The following CAPZB variants were observed in gnomAD, a reference collection of about 807,000 sequenced individuals.
The protein encoded by CAPZB is capping actin protein of muscle Z-line subunit beta.
CAPZB carries 2 observed loss-of-function variants against 38.1 expected under a neutral mutation model. That is an observed-to-expected ratio of 0.05 (90% CI 0.02 to 0.17). The LOEUF (loss-of-function observed/expected upper bound fraction) is 0.17, where lower values mean the gene tolerates loss of function less well. Ranked by LOEUF, CAPZB falls within the 10% of genes least tolerant of loss-of-function variation. CAPZB has a pLI of 1.00. For synonymous variants in CAPZB, 107 were observed against 127.4 expected, an observed-to-expected ratio of 0.84 and a Z score of 1.08; for missense variants, 161 against 334.2, an observed-to-expected ratio of 0.48 and a Z score of 4.04.
rs573359080 is a variant in CAPZB, at chr1:19,447,861, A to T, written c.4-28111T>A. Among the ~76,000 whole-genome samples, 4 of 152,354 alleles carry T rather than the reference A, an allele frequency of 2.6e-5. No homozygotes were observed. The East Asian group carries it at 7.7e-4, about 29-fold the overall frequency. On this transcript the variant is annotated intron_variant, in intron 1 of 8. Coordinates refer to ENST00000264202, the MANE Select transcript of CAPZB (RefSeq NM_004930.5). ...ACTGGTACTATCTAAGCAATCGGCA[A>T]CTAACAGTAGTGAAAGCGTAGTTCA...
chr1:19,470,558 C>T (rs1360103018), intron 1 of CAPZB, among the ~76,000 whole-genome samples: 1 of 152,208 alleles, frequency 6.6e-6, no homozygotes, highest in Non-Finnish European at 1.5e-5. Context: ...GCAGAAAAGA[C>T]TCACACAAGA....
intron 6 of CAPZB, among the ~76,000 whole-genome samples, chr1:19,354,633 C>T (rs2094010234): frequency 6.6e-6 from 1 of 152,242 alleles, no homozygotes; most frequent in Admixed American, 6.5e-5. Context: ...CTGGGTTTAG[C>T]TTGGCAGGAG....
intron 2 of CAPZB, among the ~76,000 whole-genome samples, chr1:19,394,182 T>C (rs2094253663): frequency 6.6e-6 from 1 of 152,138 alleles, no homozygotes; most frequent in Non-Finnish European, 1.5e-5. Flanking sequence ...TATATGTTTA[T>C]AGAGATGGGG....
At chr1:19,466,001 A>G (rs12755348) in intron 1 of CAPZB, among the ~76,000 whole-genome samples, 100,806 of 151,996 alleles carry the variant, frequency 0.66, 33,898 homozygotes, top group Middle Eastern at 0.77. Context: ...AGTGAAGCCC[A>G]AGGCTACACA....
chr1:19,409,376 G>C (rs1344519608), intron 2 of CAPZB, among the ~76,000 whole-genome samples: 1 of 151,982 alleles, frequency 6.6e-6, no homozygotes, highest in Non-Finnish European at 1.5e-5. Context: ...CAAGCAGAAG[G>C]AACAGTCATC....
intron 1 of CAPZB, among the ~76,000 whole-genome samples, chr1:19,484,900 G>A (rs2094645451): frequency 6.6e-6 from 1 of 152,196 alleles, no homozygotes; most frequent in East Asian, 1.9e-4. Flanking sequence ...GGAGAAGAGG[G>A]GAAGCAAACC....
intron 1 of CAPZB, chr1:19,484,437 A>G (rs2094643311): frequency 1.3e-6 from 2 of 1,507,452 alleles, no homozygotes; most frequent in Non-Finnish European, 1.8e-6. Flanking sequence ...CCTGCCCTGC[A>G]GAATGCTTCG....
At chr1:19,391,633 G>A (rs369446563) in intron 2 of CAPZB, among the ~76,000 whole-genome samples, 24 of 152,296 alleles carry the variant, frequency 1.6e-4, no homozygotes, top group African/African-American at 5.8e-4. Context: ...TATACAGTGT[G>A]GCATTCTGTA....
chr1:19,352,888 G>A (rs2268806), intron 6 of CAPZB, among the ~76,000 whole-genome samples: 1,997 of 152,354 alleles, frequency 0.013, 54 homozygotes, highest in East Asian at 0.13. Context: ...GGCAGGCCAC[G>A]TGCCCAGGAG....
intron 2 of CAPZB, among the ~76,000 whole-genome samples, chr1:19,408,494 C>CTG (rs35258284): frequency 0.12 from 18,592 of 152,226 alleles, 1,240 homozygotes; most frequent in Admixed American, 0.2. Flanking sequence ...GGGACAAAGA[C>CTG]TGTGGGCTGG....
intron 1 of CAPZB, among the ~76,000 whole-genome samples, chr1:19,441,872 G>A (rs1291222876): frequency 6.6e-6 from 1 of 152,022 alleles, no homozygotes; most frequent in Non-Finnish European, 1.5e-5. Context: ...GCTGGGCGTG[G>A]TGGTGGATGC....
At chr1:19,444,683 A>C (rs967808145) in intron 1 of CAPZB, among the ~76,000 whole-genome samples, 21 of 152,204 alleles carry the variant, frequency 1.4e-4, no homozygotes, top group Non-Finnish European at 2.8e-4. Context: ...AAATTCAGAG[A>C]GGTGATCTAA....
In CAPZB at chr1:19,467,579, G is replaced by A. The variant is rs191917043; in HGVS notation, c.3+17857C>T. On this transcript the variant is annotated intron_variant, in intron 1 of 8. Coordinates refer to ENST00000264202, the MANE Select transcript of CAPZB (RefSeq NM_004930.5). ...GGGAGCAAATGGCCCTTTAACACCCGCCCTGAGACTACTATCAGAATGGCC... is the reference window on the plus strand; with the variant it reads ...GGGAGCAAATGGCCCTTTAACACCCACCCTGAGACTACTATCAGAATGGCC... 1.7e-3 allele frequency among the ~76,000 whole-genome samples: 264 copies of A among 152,262 alleles called. 2 individuals are homozygous for A. Among genetic ancestry groups the A allele is most frequent in the Non-Finnish European group, 3.0e-3 (202 of 68,018 alleles).
intron 1 of CAPZB, among the ~76,000 whole-genome samples, chr1:19,430,721 C>T (rs1478728429): frequency 2.6e-5 from 4 of 152,142 alleles, no homozygotes; most frequent in Admixed American, 6.6e-5. Context: ...CACCCGCACC[C>T]GCACCTGCAC....
intron 1 of CAPZB, among the ~76,000 whole-genome samples, chr1:19,477,735 G>A (rs188587617): frequency 6.6e-6 from 1 of 152,310 alleles, no homozygotes; most frequent in East Asian, 1.9e-4. Flanking sequence ...AGGGTGCAAT[G>A]CAAAAGCATC....
intron 2 of CAPZB, among the ~76,000 whole-genome samples, chr1:19,400,848 A>T (rs1166857155): frequency 6.6e-6 from 1 of 152,200 alleles, no homozygotes; most frequent in Non-Finnish European, 1.5e-5. Context: ...CTAGGTGACA[A>T]GAGCCATCTT....
intron 1 of CAPZB, among the ~76,000 whole-genome samples, chr1:19,478,537 G>T (rs1022789912): frequency 6.6e-6 from 1 of 152,180 alleles, no homozygotes; most frequent in South Asian, 2.1e-4. Context: ...AGCATCCAGA[G>T]ATGTCAGAAA....
intron 1 of CAPZB, among the ~76,000 whole-genome samples, chr1:19,442,667 T>C (rs1186495326): frequency 6.6e-6 from 1 of 152,104 alleles, no homozygotes; most frequent in African/African-American, 2.4e-5. Context: ...AACGAAACCC[T>C]AAATGCAGCT....
chr1:19,483,558 C>T (rs780763518), intron 1 of CAPZB, among the ~76,000 whole-genome samples: 1 of 152,238 alleles, frequency 6.6e-6, no homozygotes, highest in Non-Finnish European at 1.5e-5. Flanking sequence ...GTACAAGACT[C>T]CTGAGAAGCT....
Sources: gnomAD v4.1 joint callset for allele counts (sites outside exome capture counted in the v4.1 genomes callset) on GRCh38, gnomAD v4.1.1 for gene constraint, MANE v1.5 for transcripts, NCBI Gene and HGNC (gene_info 2026-07-23, HGNC 2026-07-21) for gene names.